GRM4: variants seen among roughly 807,000 people sequenced by gnomAD.
GRM4 encodes the protein glutamate metabotropic receptor 4, also known as metabotropic glutamate receptor 4.
GRM4 carries 28 observed loss-of-function variants against 81.7 expected under a neutral mutation model. The observed-to-expected ratio is 0.34, with a 90% CI of 0.25 to 0.47. The LOEUF (loss-of-function observed/expected upper bound fraction) is 0.47. GRM4 is among the 20% of genes least tolerant of loss of function. GRM4 has a pLI of 1.00. For synonymous variants in GRM4, 488 were observed against 528.8 expected (o/e 0.92, Z 1.06); for missense variants, 948 against 1,290.0 (o/e 0.73, Z 4.06).
intron 2 of GRM4, chr6:34,100,064 C>T (rs1383679921): frequency 1.0e-6 from 1 of 983,888 alleles, no homozygotes; most frequent in East Asian, 1.1e-4. Context: ...GCTGCCTACT[C>T]CTGCCCTGAG....
Position 34,056,996 on chromosome 6 carries a change from G to A in GRM4, c.1028-312C>T, listed in dbSNP as rs546168245. ...TAACAGCGGGCTTTGAGAAGGAGCC[G>A]CCTGGGAGTCCTGAGATTACAGCAC... On this transcript the variant is annotated intron_variant, in intron 5 of 10. Coordinates refer to ENST00000538487, the MANE Select transcript of GRM4 (RefSeq NM_000841.4). 4.6e-5 allele frequency among the ~76,000 whole-genome samples: 7 copies of A among 152,250 alleles called. No homozygotes were observed. In the South Asian group the frequency reaches 1.2e-3, roughly 27 times the overall value.
Position 34,022,884 on chromosome 6 carries a change from GAC to G in GRM4, c.2690-16_2690-15del. The G allele has an allele frequency of 6.2e-7, 1 of 1,611,526 alleles. No individual in the cohort carries two copies. Among genetic ancestry groups the G allele is most frequent in the Non-Finnish European group, 8.5e-7 (1 of 1,177,612 alleles). ...TGGTGGCCAGCGCTGGAAGGAGAGA[GAC>G]CAGGGGTACCCAGGAGTCAGGGGCT... On this transcript the variant is annotated splice_polypyrimidine_tract_variant and intron_variant, in intron 10 of 10. Coordinates refer to ENST00000538487, the MANE Select transcript of GRM4 (RefSeq NM_000841.4). This position sits in a 1 kb window ranked among gnomAD's most constrained non-coding sequence, Gnocchi z 5.6.
intron 2 of GRM4, chr6:34,110,629 A>G: frequency 1.0e-6 from 1 of 999,262 alleles, no homozygotes. Flanking sequence ...CCTGCTCCCT[A>G]CCCCCTTACC....
chr6:34,078,095 G>A lies in GRM4; in HGVS notation c.736+13788C>T, dbSNP rs1767408124. Among the ~76,000 whole-genome samples the A allele has an allele frequency of 6.6e-6, 1 of 152,176 alleles. No homozygotes were observed. Among genetic ancestry groups the A allele is most frequent in the South Asian group, 2.1e-4 (1 of 4,828 alleles). On this transcript the variant is annotated intron_variant, in intron 3 of 10. Coordinates refer to ENST00000538487, the MANE Select transcript of GRM4 (RefSeq NM_000841.4). The surrounding 1 kb of genome is among the most constrained non-coding windows in gnomAD (Gnocchi z 4.8). ...CAGATAAGCCTGCCCTCGTGGAGCT[G>A]ACATCCATCTATGAAGCCAACAATA...
intron 3 of GRM4, among the ~76,000 whole-genome samples, chr6:34,084,229 G>A (rs181172496): frequency 6.6e-6 from 1 of 152,344 alleles, no homozygotes; most frequent in East Asian, 1.9e-4. Flanking sequence ...GAAGCCCAGG[G>A]AAGAGGGCTG....
intron 2 of GRM4, among the ~76,000 whole-genome samples, chr6:34,113,854 G>A (rs1769483279): frequency 6.6e-6 from 1 of 152,118 alleles, no homozygotes; most frequent in South Asian, 2.1e-4. Flanking sequence ...GCTATCTACT[G>A]CACCTGGAGT....
Position 34,035,312 on chromosome 6 carries a change from A to G in GRM4, c.2442+356T>C, listed in dbSNP as rs376123729. Among the ~76,000 whole-genome samples, 470 of 109,526 alleles carry G rather than the reference A, an allele frequency of 4.3e-3. 3 individuals are homozygous for G. The highest frequency in any genetic ancestry group is 0.015 in the African/African-American group (442 of 30,108). The allele number at this position is 109,526 out of a possible 152,430, so 71.9% of individuals were successfully genotyped here. On this transcript the variant is annotated intron_variant, in intron 9 of 10. Transcript: ENST00000538487. This position sits in a 1 kb window ranked among gnomAD's most constrained non-coding sequence, Gnocchi z 6.6. ...TGGAGAGACAGGGAGAAAGAGGAGG[A>G]GGGGGAAGGAGAACAGGGGGAGGAT... is the stretch of plus-strand genomic sequence containing the variant.
intron 2 of GRM4, among the ~76,000 whole-genome samples, chr6:34,117,301 G>A (rs1769638071): frequency 6.6e-6 from 1 of 152,184 alleles, no homozygotes; most frequent in Admixed American, 6.5e-5. Flanking sequence ...GAAAATGGCA[G>A]GGCCGGAGGG....
At chr6:34,099,677 C>T (rs942879475) in intron 2 of GRM4, among the ~76,000 whole-genome samples, 6 of 152,126 alleles carry the variant, frequency 3.9e-5, no homozygotes, top group Non-Finnish European at 5.9e-5. Flanking sequence ...GACAGCCCCA[C>T]GGAGGCCTCA....
intron 2 of GRM4, among the ~76,000 whole-genome samples, chr6:34,128,718 G>C (rs903025443): frequency 6.6e-6 from 1 of 152,004 alleles, no homozygotes; most frequent in African/African-American, 2.4e-5. Context: ...TATGAGGCTG[G>C]CACCATTATC....
intron 1 of GRM4, among the ~76,000 whole-genome samples, chr6:34,145,713 GC>G (rs1770902570): frequency 6.6e-6 from 1 of 152,222 alleles, no homozygotes; most frequent in East Asian, 1.9e-4. Context: ...TTGCCCCGGC[GC>G]CCACAGCCGC....
rs1284355208 is a variant in GRM4, at chr6:34,069,340, G to T, written c.737-7312C>A. Among the ~76,000 whole-genome samples the T allele has an allele frequency of 2.0e-5, 3 of 152,176 alleles. No homozygotes were observed. Among genetic ancestry groups the T allele is most frequent in the African/African-American group, 7.2e-5 (3 of 41,428 alleles). The stretch of plus-strand genomic sequence containing the variant: ...ACTGCTACTTTTATTTTCAGCTGGG[G>T]GCGAAGCCTGAATGTAAATAATGGA... On this transcript the variant is annotated intron_variant, in intron 3 of 10. Coordinates refer to ENST00000538487, the MANE Select transcript of GRM4 (RefSeq NM_000841.4). This position sits in a 1 kb window ranked among gnomAD's most constrained non-coding sequence, Gnocchi z 6.4.
At chr6:34,135,706 T>A (rs1230825846) in intron 1 of GRM4, among the ~76,000 whole-genome samples, 2 of 152,176 alleles carry the variant, frequency 1.3e-5, no homozygotes, top group Non-Finnish European at 2.9e-5. Context: ...ATTTATCAGA[T>A]CTCTGTCCTA....
chr6:34,129,113 C>T (rs560404828), intron 2 of GRM4, among the ~76,000 whole-genome samples: 1 of 152,116 alleles, frequency 6.6e-6, no homozygotes, highest in East Asian at 1.9e-4. Context: ...CTCCCGGGCT[C>T]AAGTGATTCT....
chr6:34,138,732 A>G (rs1770564841), intron 1 of GRM4, among the ~76,000 whole-genome samples: 1 of 152,194 alleles, frequency 6.6e-6, no homozygotes, highest in South Asian at 2.1e-4. Context: ...AAATCCTCGC[A>G]GCACAGCCCT....
intron 3 of GRM4, among the ~76,000 whole-genome samples, chr6:34,065,702 T>G (rs77546841): frequency 0.33 from 50,060 of 152,178 alleles, 9,249 homozygotes; most frequent in Non-Finnish European, 0.42. Flanking sequence ...CTGGTGCGTC[T>G]GCTCGCCGGC....
At chr6:34,150,500 C>T (rs1218041645), upstream of GRM4, among the ~76,000 whole-genome samples, 1 of 151,526 alleles carries the variant, frequency 6.6e-6, no homozygotes, top group African/African-American at 2.4e-5. Flanking sequence ...GGGGGGTGGG[C>T]AGAAGGGCTG....
chr6:34,072,826 C>T (rs962749845), intron 3 of GRM4, among the ~76,000 whole-genome samples: 8 of 150,458 alleles, frequency 5.3e-5, no homozygotes, highest in Non-Finnish European at 5.9e-5. Context: ...CACAACCACA[C>T]ATCACCACAC....
At chr6:34,083,810 CT>C (rs1767737763) in intron 3 of GRM4, among the ~76,000 whole-genome samples, 1 of 152,212 alleles carries the variant, frequency 6.6e-6, no homozygotes, top group South Asian at 2.1e-4. Flanking sequence ...GGCAGCACCC[CT>C]GCCTGCTTCT....
Sources: allele counts gnomAD v4.1 joint callset (sites outside exome capture counted in the v4.1 genomes callset), GRCh38; gene constraint gnomAD v4.1.1; non-coding constraint Gnocchi (gnomAD v3.1); transcripts MANE v1.5; gene names NCBI Gene and HGNC (gene_info 2026-07-23, HGNC 2026-07-21).